The following STAB2 variants were observed in gnomAD, a reference collection of about 807,000 sequenced individuals.
The protein encoded by STAB2 is stabilin-2.
A neutral mutation model predicts 338.1 loss-of-function variants in STAB2; 288 were observed. The observed-to-expected ratio is 0.85, with a 90% CI of 0.77 to 0.94. The LOEUF is 0.94. STAB2 is among the 40% of genes least tolerant of loss of function. The pLI, the probability that STAB2 is intolerant of heterozygous loss-of-function variation, is 0.00. For synonymous variants in STAB2, 1,202 were observed against 1,193.3 expected (o/e 1.01, Z -0.15); for missense variants, 3,141 against 3,210.1 (o/e 0.98, Z 0.52).
chr12:103,631,147 A>G (rs1957454616), intron 5 of STAB2, among the ~76,000 whole-genome samples: 1 of 152,146 alleles, frequency 6.6e-6, no homozygotes, highest in Non-Finnish European at 1.5e-5. Context: ...CCTTTGGAAT[A>G]TTTTCCTTTT....
At position 103,749,095 on chromosome 12, in the gene STAB2, C is replaced by G; in HGVS notation, c.6377C>G (p.Pro2126Arg). The change falls in exon 59 of 69, where the codon CCC becomes CGC. Residue 2126 changes from proline (P) to arginine (R), a missense_variant. Physicochemically the swap from Pro to Arg is moderately radical, Grantham distance 103. Transcript: ENST00000388887. ...GDGHSCTEIDPCADGLNGGCH... is the reference protein window; with the variant it reads ...GDGHSCTEIDRCADGLNGGCH... The stretch of plus-strand genomic sequence containing the variant: ...GGGCACAGCTGCACAGAGATAGACC[C>G]CTGTGCAGACGGCCTTAACGGAGGG... 2 of 1,613,926 alleles carry G rather than the reference C, an allele frequency of 1.2e-6. No individual in the cohort carries two copies. Among genetic ancestry groups the G allele is most frequent in the South Asian group, 2.2e-5 (2 of 91,052 alleles).
chr12:103,621,957 C>A, intron 4 of STAB2, 85 bp from the exon 5 acceptor site: 1 of 1,321,748 alleles, frequency 7.6e-7, no homozygotes, highest in South Asian at 1.2e-5. Flanking sequence ...ATTTGAAAAA[C>A]AAATGCTGAG....
chr12:103,660,723 G>T lies in STAB2; in HGVS notation c.1829G>T (p.Ser610Ile). ...ATLISTPHIR[S>I]MANQLIQFNT... ...CTCATCTCCACCCCTCACATCAGGA[G>T]CATGGCCAACCAGCTCATACAGTTC... The change falls in exon 17 of 69, where the codon AGC (serine) becomes ATC (isoleucine). Residue 610 changes from serine (S) to isoleucine (I), a missense_variant. Coordinates refer to ENST00000388887, the MANE Select transcript of STAB2 (RefSeq NM_017564.10). The T allele has an allele frequency of 1.2e-6, 2 of 1,614,040 alleles. No individual in the cohort carries two copies. The highest frequency in any genetic ancestry group is 1.7e-6 in the Non-Finnish European group (2 of 1,179,998).
chr12:103,640,370 C>T lies in STAB2; in HGVS notation c.1040+114C>T. The T allele has an allele frequency of 2.2e-6, 3 of 1,334,944 alleles. No individual in the cohort carries two copies. The South Asian group carries it at 4.4e-5, about 20-fold the overall frequency. The allele number at this position is 1,334,944 out of a possible 1,614,324, so 82.7% of individuals were successfully genotyped here. ...GTGTCTTATTCAGCCTTGCATCCAC[C>T]CCCACCCCACATAGTAGGAGCAAGG... is the stretch of plus-strand genomic sequence containing the variant. On this transcript the variant is annotated intron_variant, in intron 9 of 68. Coordinates refer to ENST00000388887, the MANE Select transcript of STAB2 (RefSeq NM_017564.10).
intron 59 of STAB2, among the ~76,000 whole-genome samples, chr12:103,749,457 T>A (rs1883387940): frequency 6.6e-6 from 1 of 152,034 alleles, no homozygotes; most frequent in East Asian, 1.9e-4. Flanking sequence ...CAGGGGAAAG[T>A]GGGTAGAGAG....
rs144961818 is a variant in STAB2 at position 103,660,094 on chromosome 12, C to T, written c.1735-237C>T. 1.1e-4 allele frequency among the ~76,000 whole-genome samples: 17 copies of T among 152,306 alleles called. 1 individual carries two copies. The highest frequency in any genetic ancestry group is 4.1e-4 in the South Asian group (2 of 4,824). Reference sequence around the variant, plus strand: ...GGTCAATAGGAGTCCCCACCTCACACGGCTGTTGGGAGGATTAAATGAGAC... The same window carrying T: ...GGTCAATAGGAGTCCCCACCTCACATGGCTGTTGGGAGGATTAAATGAGAC... On this transcript the variant is annotated intron_variant, in intron 15 of 68. Coordinates refer to ENST00000388887, the MANE Select transcript of STAB2 (RefSeq NM_017564.10).
At chr12:103,613,350 C>T (rs12307763) in intron 3 of STAB2, among the ~76,000 whole-genome samples, 2,027 of 152,308 alleles carry the variant, frequency 0.013, 45 homozygotes, top group African/African-American at 0.046. Flanking sequence ...TCGAGCTTCC[C>T]GGCCACTTTG....
At chr12:103,710,204 A>G (rs1308548403) in intron 39 of STAB2, among the ~76,000 whole-genome samples, 2 of 152,132 alleles carry the variant, frequency 1.3e-5, no homozygotes, top group African/African-American at 2.4e-5. Flanking sequence ...TTCATTGCCT[A>G]CAGAAGAAAG....
chr12:103,741,745 G>A (rs1231428998), intron 55 of STAB2, among the ~76,000 whole-genome samples: 5 of 152,200 alleles, frequency 3.3e-5, no homozygotes, highest in South Asian at 2.1e-4. Flanking sequence ...GTGAGCCGCC[G>A]TGCCTGGCCT....
chr12:103,757,600 T>C (rs1884229730), intron 63 of STAB2, among the ~76,000 whole-genome samples: 1 of 152,092 alleles, frequency 6.6e-6, no homozygotes, highest in Non-Finnish European at 1.5e-5. Context: ...GAAAGTGACA[T>C]GTAAGCAAAG....
intron 9 of STAB2, among the ~76,000 whole-genome samples, chr12:103,640,775 A>G (rs756211339): frequency 8.5e-5 from 13 of 152,222 alleles, no homozygotes; most frequent in Non-Finnish European, 1.8e-4. Flanking sequence ...TAGAAAGAAG[A>G]TGGTATTTGG....
chr12:103,629,720 C>A (rs1327310210), intron 5 of STAB2, among the ~76,000 whole-genome samples: 1 of 152,212 alleles, frequency 6.6e-6, no homozygotes, highest in Non-Finnish European at 1.5e-5. Flanking sequence ...CCCACTTTAT[C>A]TTTTCCTGGC....
At position 103,755,325 on chromosome 12, in the gene STAB2, AG is replaced by A. The variant is rs1410203073; in HGVS notation, c.6740del (p.Gly2247AlafsTer26). ...QKAKYHLCSA[G>X]WLETGRVAYP... ...AGGCCAAGTACCACCTGTGCTCAGC[AG>A]GCTGGCTGGAGACCGGGCGGGTTGC... On this transcript the variant is annotated frameshift_variant, in exon 62 of 69. Transcript: ENST00000388887. LOFTEE classifies it high-confidence loss of function. The A allele has an allele frequency of 5.0e-6, 8 of 1,613,996 alleles. No homozygotes were observed. The highest frequency in any genetic ancestry group is 6.8e-6 in the Non-Finnish European group (8 of 1,180,030).
rs1019277086 is a variant in STAB2 at position 103,766,680 on chromosome 12, A to G, written c.*344A>G. The G allele has an allele frequency of 4.5e-5, 12 of 269,050 alleles. No homozygotes were observed. The East Asian group carries it at 5.0e-4, about 11-fold the overall frequency. The allele number at this position is 269,050 out of a possible 1,614,324, so 16.7% of individuals were successfully genotyped here. A position where few individuals can be genotyped will look rare whatever the true frequency, so the allele number is the denominator to read the frequency against. Reference sequence around the variant, plus strand: ...CAGCCCCTAGCCCAGTGCCTGACACAGGAACTGTGCACAATAAAGGTTTAT... The same window carrying G: ...CAGCCCCTAGCCCAGTGCCTGACACGGGAACTGTGCACAATAAAGGTTTAT... On this transcript the variant is annotated 3_prime_UTR_variant, in exon 69 of 69. Transcript: ENST00000388887.
intron 3 of STAB2, among the ~76,000 whole-genome samples, chr12:103,610,167 G>C (rs1432572748): frequency 6.6e-6 from 1 of 151,704 alleles, no homozygotes; most frequent in Admixed American, 6.6e-5. Flanking sequence ...TTGTGTCTCT[G>C]CCAGGCTTTG....
At chr12:103,649,829 G>T (rs79472713) in intron 10 of STAB2, among the ~76,000 whole-genome samples, 1 of 152,028 alleles carries the variant, frequency 6.6e-6, no homozygotes, top group Non-Finnish European at 1.5e-5. Context: ...GACCAGACAG[G>T]GGGGAGGTAG....
chr12:103,685,445 TGTGTGTGTGCGCGTGCGTGTGTGTGTGC>T (rs941065212), intron 27 of STAB2, among the ~76,000 whole-genome samples: 22 of 145,826 alleles, frequency 1.5e-4, no homozygotes, highest in Admixed American at 8.9e-4. Context: ...TGTGTGTGTG[TGTGTGTGTGCGCGTGCGTGTGTGTGTGC>T]GTGCGCGCAT....
intron 2 of STAB2, among the ~76,000 whole-genome samples, chr12:103,593,049 T>G (rs1161956819): frequency 1.3e-5 from 2 of 152,232 alleles, no homozygotes; most frequent in African/African-American, 4.8e-5. Flanking sequence ...TACCACATTT[T>G]CTTTATCCAT....
intron 3 of STAB2, among the ~76,000 whole-genome samples, chr12:103,597,262 C>A (rs920673643): frequency 3.3e-5 from 5 of 152,158 alleles, no homozygotes; most frequent in African/African-American, 1.2e-4. Flanking sequence ...TTTACATTTC[C>A]GTAAGGATAA....
Sources: allele counts gnomAD v4.1 joint callset (sites outside exome capture counted in the v4.1 genomes callset), GRCh38; gene constraint gnomAD v4.1.1; transcripts MANE v1.5; gene names NCBI Gene and HGNC (gene_info 2026-07-23, HGNC 2026-07-21).